Variants in OXSR1 observed in about 807,000 individuals in gnomAD.
The protein encoded by OXSR1 is oxidative stress responsive kinase 1.
A neutral mutation model predicts 79.8 loss-of-function variants in OXSR1; 24 were observed. The observed-to-expected ratio is 0.30, with a 90% CI of 0.22 to 0.42. The LOEUF (loss-of-function observed/expected upper bound fraction) is 0.42, where lower values mean the gene tolerates loss of function less well. OXSR1 is among the 10% of genes least tolerant of loss of function. The pLI is 1.00. For synonymous variants in OXSR1, 226 were observed against 209.2 expected (o/e 1.08, Z -0.69); for missense variants, 430 against 618.4 (o/e 0.70, Z 3.23).
At chr3:38,222,063 T>C (rs1271651302) in intron 6 of OXSR1, among the ~76,000 whole-genome samples, 1 of 152,232 alleles carries the variant, frequency 6.6e-6, no homozygotes, top group Non-Finnish European at 1.5e-5. Context: ...CTTATAGGTA[T>C]ATCAAACTCA....
chr3:38,173,314 ATTTAAC>A (rs1035081641), intron 1 of OXSR1, among the ~76,000 whole-genome samples: 1 of 152,238 alleles, frequency 6.6e-6, no homozygotes, highest in African/African-American at 2.4e-5. Flanking sequence ...CAAGTAAATA[ATTTAAC>A]CTGATGCATA....
chr3:38,238,098 T>TTA (rs1702956238), intron 11 of OXSR1, among the ~76,000 whole-genome samples: 1 of 152,128 alleles, frequency 6.6e-6, no homozygotes, highest in Non-Finnish European at 1.5e-5. Context: ...TCTGAAATAG[T>TTA]TATAGTAGCT....
At chr3:38,234,976 C>T (rs773243120) in intron 10 of OXSR1, among the ~76,000 whole-genome samples, 3 of 152,100 alleles carry the variant, frequency 2.0e-5, no homozygotes, top group African/African-American at 7.2e-5. Flanking sequence ...GTTTAAAAAG[C>T]CCATCACAAA....
At chr3:38,193,533 T>C in intron 3 of OXSR1, 1 of 515,482 alleles carries the variant, frequency 1.9e-6, no homozygotes, top group Admixed American at 2.7e-5. Context: ...CTCTGATGAA[T>C]GGGAATAAAT....
chr3:38,212,285 A>C (rs1398863206), intron 4 of OXSR1, among the ~76,000 whole-genome samples: 1 of 152,194 alleles, frequency 6.6e-6, no homozygotes, highest in Non-Finnish European at 1.5e-5. Context: ...CGTATCTTCA[A>C]AGTCCATTTG....
At chr3:38,205,110 T>C (rs1356946798) in intron 4 of OXSR1, among the ~76,000 whole-genome samples, 3 of 151,778 alleles carry the variant, frequency 2.0e-5, no homozygotes, top group Non-Finnish European at 2.9e-5. Flanking sequence ...TGAGTTCCAA[T>C]GCAAGCACAG....
At chr3:38,222,737 C>A (rs13318139) in intron 6 of OXSR1, among the ~76,000 whole-genome samples, 20,780 of 152,096 alleles carry the variant, frequency 0.14, 1,816 homozygotes, top group Middle Eastern at 0.27. Context: ...CACAACCTTC[C>A]TAACTTTTTC....
At chr3:38,175,735 A>G (rs1701665515) in intron 1 of OXSR1, among the ~76,000 whole-genome samples, 1 of 151,866 alleles carries the variant, frequency 6.6e-6, no homozygotes, top group African/African-American at 2.4e-5. Flanking sequence ...AGATTTAAGG[A>G]GAAGTTTCAT....
intron 15 of OXSR1, among the ~76,000 whole-genome samples, chr3:38,250,681 A>G (rs1213464558): frequency 2.0e-5 from 3 of 152,220 alleles, no homozygotes; most frequent in African/African-American, 7.2e-5. Flanking sequence ...ATCATGAGCA[A>G]CTAACCACTA....
intron 2 of OXSR1, among the ~76,000 whole-genome samples, chr3:38,185,619 TA>T (rs1386493143): frequency 6.6e-6 from 1 of 150,682 alleles, no homozygotes; most frequent in African/African-American, 2.4e-5. Flanking sequence ...AAAACTTATA[TA>T]ATGCAAGATT....
intron 2 of OXSR1, 74 bp downstream of exon 2, chr3:38,183,189 GT>G: frequency 1.6e-6 from 1 of 639,142 alleles, no homozygotes; most frequent in Non-Finnish European, 2.5e-6. Context: ...ATAACTTGAA[GT>G]TTTTGATTTG....
intron 1 of OXSR1, among the ~76,000 whole-genome samples, chr3:38,170,245 C>T (rs1208589823): frequency 6.6e-6 from 1 of 151,978 alleles, no homozygotes; most frequent in Non-Finnish European, 1.5e-5. Flanking sequence ...TGGGTTTCAC[C>T]ATGTTGGCCA....
chr3:38,232,368 A>T (rs1244673376), intron 10 of OXSR1, among the ~76,000 whole-genome samples: 1 of 151,368 alleles, frequency 6.6e-6, no homozygotes, highest in Non-Finnish European at 1.5e-5. Flanking sequence ...GGCACAGTCA[A>T]CTGTGATCAT....
chr3:38,234,206 T>C (rs1416813168), intron 10 of OXSR1, among the ~76,000 whole-genome samples: 1 of 152,192 alleles, frequency 6.6e-6, no homozygotes, highest in African/African-American at 2.4e-5. Flanking sequence ...CTTCCTTAGA[T>C]ATGATACCAA....
At chr3:38,218,636 C>T (rs1340920701) in intron 5 of OXSR1, among the ~76,000 whole-genome samples, 1 of 152,120 alleles carries the variant, frequency 6.6e-6, no homozygotes, top group African/African-American at 2.4e-5. Context: ...TTGCCTTTCA[C>T]TGTGTTGATA....
At chr3:38,214,190 A>G (rs1386917205) in intron 4 of OXSR1, among the ~76,000 whole-genome samples, 2 of 148,888 alleles carry the variant, frequency 1.3e-5, no homozygotes, top group South Asian at 2.1e-4. Context: ...TTTTTTTCCC[A>G]GGAAGAGGAT....
intron 4 of OXSR1, among the ~76,000 whole-genome samples, chr3:38,204,861 C>T (rs1459447832): frequency 6.6e-6 from 1 of 151,844 alleles, no homozygotes; most frequent in Non-Finnish European, 1.5e-5. Flanking sequence ...TCTACTGGCT[C>T]CAAGTCCAGT....
At chr3:38,191,962 A>G (rs1701991932) in intron 3 of OXSR1, among the ~76,000 whole-genome samples, 1 of 152,076 alleles carries the variant, frequency 6.6e-6, no homozygotes, top group African/African-American at 2.4e-5. Context: ...ATTAATCTGT[A>G]CTCTAGTTCC....
chr3:38,222,458 T>G (rs1296629703), intron 6 of OXSR1, among the ~76,000 whole-genome samples: 1 of 152,146 alleles, frequency 6.6e-6, no homozygotes, highest in East Asian at 1.9e-4. Context: ...AGGAGGATTG[T>G]TGGGCTAGGA....
Sources: gnomAD v4.1 joint callset for allele counts (sites outside exome capture counted in the v4.1 genomes callset) on GRCh38, gnomAD v4.1.1 for gene constraint, MANE v1.5 for transcripts, NCBI Gene and HGNC (gene_info 2026-07-23, HGNC 2026-07-21) for gene names.